Variants in RSU1 observed in about 807,000 individuals in gnomAD.
The protein encoded by RSU1 is rsu-1.
Under a neutral mutation model 31.1 loss-of-function variants are expected in RSU1, and 26 were observed. The observed-to-expected ratio is 0.84, with a 90% CI of 0.61 to 1.16. The LOEUF (loss-of-function observed/expected upper bound fraction) is 1.16. Among genes scored for constraint, RSU1 ranks in the 50% most tolerant of loss-of-function variants. The pLI is 0.00. For missense variants in RSU1, 320 were observed against 339.1 expected (o/e 0.94, Z 0.44); for synonymous variants, 164 against 136.3 (o/e 1.20, Z -1.41).
intron 6 of RSU1, 30 bp downstream of exon 6, chr10:16,752,888 A>G (rs1362643247): frequency 6.3e-7 from 1 of 1,587,598 alleles, no homozygotes; most frequent in Non-Finnish European, 8.7e-7. Flanking sequence ...CAGTGAATTG[A>G]TTTTCTAAGA....
chr10:16,733,267 G>A (rs2131602411), intron 7 of RSU1, among the ~76,000 whole-genome samples: 1 of 150,298 alleles, frequency 6.7e-6, no homozygotes, highest in East Asian at 2.0e-4. Context: ...GAGATGGACG[G>A]ATCACCTGAG....
chr10:16,812,323 C>T (rs7909828), intron 2 of RSU1, among the ~76,000 whole-genome samples: 34,345 of 152,024 alleles, frequency 0.23, 4,232 homozygotes, highest in African/African-American at 0.32. Context: ...ACGCCTGTAA[C>T]CCCAGTTACT....
chr10:16,777,587 C>A (rs7085886), intron 3 of RSU1, among the ~76,000 whole-genome samples: 26,106 of 152,130 alleles, frequency 0.17, 2,258 homozygotes, highest in Middle Eastern at 0.23. Flanking sequence ...TCTTTAGGTA[C>A]AAAACCTGGA....
chr10:16,596,309 C>T (rs1478911857), intron 8 of RSU1, among the ~76,000 whole-genome samples: 1 of 152,210 alleles, frequency 6.6e-6, no homozygotes, highest in African/African-American at 2.4e-5. Flanking sequence ...TGTTCCTCCT[C>T]CTCGGCATCT....
At chr10:16,792,609 G>T (rs892975906) in intron 2 of RSU1, among the ~76,000 whole-genome samples, 5 of 152,168 alleles carry the variant, frequency 3.3e-5, no homozygotes, top group African/African-American at 1.2e-4. Flanking sequence ...ATTCAAAGGA[G>T]TCTGCCTTGT....
chr10:16,637,040 T>A (rs186136712), intron 8 of RSU1, among the ~76,000 whole-genome samples: 117 of 152,334 alleles, frequency 7.7e-4, no homozygotes, highest in Non-Finnish European at 1.4e-3. Context: ...AAAACGGCTA[T>A]GCTTGTATTG....
chr10:16,734,971 G>T (rs1333991469), intron 7 of RSU1, among the ~76,000 whole-genome samples: 1 of 152,140 alleles, frequency 6.6e-6, no homozygotes, highest in Admixed American at 6.5e-5. Context: ...GGAGAAAAGG[G>T]CCACCCACAA....
Position 16,620,062 on chromosome 10 carries a change from G to A in RSU1, c.732-26566C>T, listed in dbSNP as rs527521833. 1.9e-4 allele frequency among the ~76,000 whole-genome samples: 29 copies of A among 152,148 alleles called. 1 individual carries two copies. In the South Asian group the frequency reaches 6.0e-3, roughly 32 times the overall value. Reference sequence around the variant, plus strand: ...ATTCATGCTATGTTTCATAATTAACGTGAACATTGCTCTGTTTTGGGGGAA... The same window carrying A: ...ATTCATGCTATGTTTCATAATTAACATGAACATTGCTCTGTTTTGGGGGAA... On this transcript the variant is annotated intron_variant, in intron 8 of 8. Transcript: ENST00000345264.
chr10:16,740,132 A>G (rs1836721492), intron 7 of RSU1, among the ~76,000 whole-genome samples: 1 of 152,168 alleles, frequency 6.6e-6, no homozygotes. Flanking sequence ...TGAAACAAAA[A>G]CTATACAAAG....
chr10:16,622,718 C>T (rs886107701), intron 8 of RSU1, among the ~76,000 whole-genome samples: 2 of 152,196 alleles, frequency 1.3e-5, no homozygotes, highest in Non-Finnish European at 2.9e-5. Context: ...TGAATCACCA[C>T]GGCCCAGGAT....
At chr10:16,658,666 G>A (rs112240977) in intron 8 of RSU1, among the ~76,000 whole-genome samples, 5,942 of 152,308 alleles carry the variant, frequency 0.039, 170 homozygotes, top group African/African-American at 0.065. Flanking sequence ...GGAGGTTGCA[G>A]TAAGCTGAGA....
intron 3 of RSU1, among the ~76,000 whole-genome samples, chr10:16,773,532 G>C (rs1288109671): frequency 3.9e-5 from 6 of 152,228 alleles, no homozygotes; most frequent in Non-Finnish European, 8.8e-5. Context: ...TGCACACACA[G>C]ATCACTTGCA....
chr10:16,746,327 G>A (rs1778499372), intron 7 of RSU1, among the ~76,000 whole-genome samples: 1 of 152,166 alleles, frequency 6.6e-6, no homozygotes. Context: ...GCTGGGATTG[G>A]TGCAAATTAA....
rs1283731947 is a variant in RSU1, at chr10:16,592,557, T to C, written c.*837A>G. 5.9e-5 allele frequency: 9 copies of C among 152,092 alleles called. No individual in the cohort carries two copies. The highest frequency in any genetic ancestry group is 1.0e-4 in the Non-Finnish European group (7 of 68,032). 9.4% of individuals were successfully genotyped at this position (152,092 alleles called of 1,614,324 possible). Reference sequence around the variant, plus strand: ...GAGCAGATTTTCCGCCGTGACAAAATACACAGTTGAGGTTTTTTCTCTCTC... The same window carrying C: ...GAGCAGATTTTCCGCCGTGACAAAACACACAGTTGAGGTTTTTTCTCTCTC... On this transcript the variant is annotated 3_prime_UTR_variant, in exon 9 of 9. Coordinates refer to ENST00000345264, the MANE Select transcript of RSU1 (RefSeq NM_012425.4).
chr10:16,732,803 C>A (rs902006760), intron 7 of RSU1, among the ~76,000 whole-genome samples: 3 of 152,150 alleles, frequency 2.0e-5, no homozygotes, highest in African/African-American at 7.2e-5. Context: ...TGGGTCATAC[C>A]TTTTGTGCCT....
intron 4 of RSU1, among the ~76,000 whole-genome samples, chr10:16,763,424 G>C (rs542153820): frequency 2.6e-5 from 4 of 152,238 alleles, no homozygotes; most frequent in South Asian, 2.1e-4. Context: ...CAGCACAAGG[G>C]GGGAGGTGCT....
chr10:16,738,159 A>G (rs1233124104), intron 7 of RSU1, among the ~76,000 whole-genome samples: 1 of 152,222 alleles, frequency 6.6e-6, no homozygotes, highest in Non-Finnish European at 1.5e-5. Context: ...ACACTAAAAA[A>G]GAAGAGGCCG....
At chr10:16,605,737 C>A (rs926474870) in intron 8 of RSU1, among the ~76,000 whole-genome samples, 3 of 152,208 alleles carry the variant, frequency 2.0e-5, no homozygotes, top group Non-Finnish European at 2.9e-5. Flanking sequence ...CAGTTATCCT[C>A]TGTGGTGGAA....
At chr10:16,656,722 A>G (rs1834787358) in intron 8 of RSU1, among the ~76,000 whole-genome samples, 1 of 152,264 alleles carries the variant, frequency 6.6e-6, no homozygotes, top group Non-Finnish European at 1.5e-5. Context: ...ATCGGCTTAT[A>G]TATATTAATC....
Sources: allele counts gnomAD v4.1 joint callset (sites outside exome capture counted in the v4.1 genomes callset), GRCh38; gene constraint gnomAD v4.1.1; transcripts MANE v1.5; gene names NCBI Gene and HGNC (gene_info 2026-07-23, HGNC 2026-07-21).